CYP2J2: variants seen among roughly 807,000 people sequenced by gnomAD.
The protein encoded by CYP2J2 is cytochrome P450 family 2 subfamily J member 2.
In CYP2J2, 41 loss-of-function variants were observed where a neutral mutation model predicts 48.8. The ratio of observed to expected loss-of-function variants is 0.84; its 90% confidence interval spans 0.66 to 1.09. The LOEUF is 1.09. CYP2J2 is among the 50% of genes least tolerant of loss of function. The pLI, the probability that CYP2J2 is intolerant of heterozygous loss-of-function variation, is 0.00. For synonymous variants in CYP2J2, 221 were observed against 227.1 expected, an observed-to-expected ratio of 0.97 and a Z score of 0.24; for missense variants, 644 against 617.3, an observed-to-expected ratio of 1.04 and a Z score of -0.46.
chr1:59,894,257 T>G (rs545556029), intron 8 of CYP2J2, among the ~76,000 whole-genome samples: 8 of 152,202 alleles, frequency 5.3e-5, no homozygotes, highest in Non-Finnish European at 8.8e-5. Flanking sequence ...GAAATAAATG[T>G]CAGAGCAGAG....
At chr1:59,950,352 A>G in the CYP2J2 span, among the ~76,000 whole-genome samples, 13 of 152,194 alleles carry the variant, frequency 8.5e-5, no homozygotes, top group Non-Finnish European at 1.6e-4. Flanking sequence ...GGACAGCACA[A>G]TCAAGAGCTT....
chr1:59,951,248 T>C, the CYP2J2 span, among the ~76,000 whole-genome samples: 5 of 152,228 alleles, frequency 3.3e-5, no homozygotes, highest in Non-Finnish European at 7.4e-5. Context: ...CTACATTCTG[T>C]TGCTTTACAA....
chr1:59,955,906 A>C, the CYP2J2 span, among the ~76,000 whole-genome samples: 1 of 151,372 alleles, frequency 6.6e-6, no homozygotes, highest in East Asian at 1.9e-4. Context: ...GTGTGTGTGT[A>C]TGTGTGTGTG....
the CYP2J2 span, among the ~76,000 whole-genome samples, chr1:59,939,661 G>A: frequency 5.1e-4 from 78 of 152,312 alleles, 1 homozygote; most frequent in East Asian, 0.012. Flanking sequence ...CTTCCCTTCA[G>A]GGGCCAAGTT....
the CYP2J2 span, among the ~76,000 whole-genome samples, chr1:59,932,201 G>C: frequency 6.6e-6 from 1 of 152,026 alleles, no homozygotes; most frequent in Admixed American, 6.5e-5. Context: ...AAGTCTGAAG[G>C]CTAATCTATA....
chr1:59,903,180 G>T (rs1644335503), intron 7 of CYP2J2, among the ~76,000 whole-genome samples: 4 of 152,176 alleles, frequency 2.6e-5, no homozygotes, highest in Admixed American at 2.6e-4. Flanking sequence ...TAGTAACCAA[G>T]TAGTGCCCAA....
the CYP2J2 span, among the ~76,000 whole-genome samples, chr1:59,935,583 CAAAAG>C: frequency 3.0e-4 from 45 of 151,724 alleles, no homozygotes; most frequent in South Asian, 1.9e-3. Context: ...AAAGATAACC[CAAAAG>C]AAAAGAAAAG....
chr1:59,935,023 T>TATATATATATATATATATATATAC, the CYP2J2 span, among the ~76,000 whole-genome samples: 32 of 75,300 alleles, frequency 4.2e-4, no homozygotes, highest in South Asian at 1.2e-3. Flanking sequence ...TACATATATA[T>TATATATATATATATATATATATAC]ATATATATAT....
intron 2 of CYP2J2, among the ~76,000 whole-genome samples, chr1:59,913,850 T>C (rs1390477165): frequency 3.3e-5 from 5 of 152,218 alleles, no homozygotes; most frequent in Non-Finnish European, 5.9e-5. Flanking sequence ...TTAAAGCCAT[T>C]CAAGAGCTTC....
At chr1:59,916,687 C>A (rs1399281758) in intron 1 of CYP2J2, among the ~76,000 whole-genome samples, 1 of 152,144 alleles carries the variant, frequency 6.6e-6, no homozygotes, top group South Asian at 2.1e-4. Flanking sequence ...GAGCCATGAT[C>A]GTGCCATGGC....
At chr1:59,943,194 T>C in the CYP2J2 span, among the ~76,000 whole-genome samples, 1 of 152,296 alleles carries the variant, frequency 6.6e-6, no homozygotes, top group South Asian at 2.1e-4. Context: ...GTCACAGGAC[T>C]GGACGAAATC....
the CYP2J2 span, among the ~76,000 whole-genome samples, chr1:59,969,200 A>T: frequency 6.6e-6 from 1 of 152,156 alleles, no homozygotes; most frequent in Non-Finnish European, 1.5e-5. Flanking sequence ...ATGAAAGGGG[A>T]TCCGAGCGGG....
the CYP2J2 span, among the ~76,000 whole-genome samples, chr1:59,931,798 A>G: frequency 6.6e-6 from 1 of 152,164 alleles, no homozygotes; most frequent in Non-Finnish European, 1.5e-5. Context: ...CAAAAATTTA[A>G]AGGAAATTTG....
intron 7 of CYP2J2, chr1:59,904,604 G>C (rs1303840035): frequency 5.1e-6 from 2 of 391,418 alleles, no homozygotes; most frequent in Non-Finnish European, 9.2e-6. Flanking sequence ...ATGCACATTA[G>C]CATAGTAAAA....
intron 1 of CYP2J2, among the ~76,000 whole-genome samples, chr1:59,921,869 T>C (rs1159108315): frequency 6.6e-6 from 1 of 152,162 alleles, no homozygotes; most frequent in African/African-American, 2.4e-5. Context: ...ATGCACACAC[T>C]ATATTGTAAA....
chr1:59,961,472 T>A, the CYP2J2 span, among the ~76,000 whole-genome samples: 2 of 152,100 alleles, frequency 1.3e-5, no homozygotes, highest in Admixed American at 6.5e-5. Flanking sequence ...GACATACAAC[T>A]AAGGTATTGG....
At chr1:59,940,165 C>T in the CYP2J2 span, among the ~76,000 whole-genome samples, 17,834 of 152,172 alleles carry the variant, frequency 0.12, 1,231 homozygotes, top group Admixed American at 0.17. Flanking sequence ...TAGCCACCAC[C>T]GCTGGGAATT....
the CYP2J2 span, among the ~76,000 whole-genome samples, chr1:59,960,286 G>A: frequency 1.3e-5 from 2 of 152,198 alleles, no homozygotes; most frequent in Non-Finnish European, 2.9e-5. Flanking sequence ...TCTGGGAAAT[G>A]GAATAAGACC....
At chr1:59,895,325 C>A (rs978554605) in intron 8 of CYP2J2, among the ~76,000 whole-genome samples, 1 of 152,158 alleles carries the variant, frequency 6.6e-6, no homozygotes. Flanking sequence ...GATTACAGAC[C>A]AGTTGTTTTG....
Sources: gnomAD v4.1 joint callset for allele counts (sites outside exome capture counted in the v4.1 genomes callset) on GRCh38, gnomAD v4.1.1 for gene constraint, MANE v1.5 for transcripts, NCBI Gene and HGNC (gene_info 2026-07-23, HGNC 2026-07-21) for gene names.